Variants in RGS8 observed in about 807,000 individuals in gnomAD.
RGS8 encodes regulator of G-protein signaling 8.
Under a neutral mutation model 21.7 loss-of-function variants are expected in RGS8, and 8 were observed. The observed-to-expected ratio is 0.37, with a 90% CI of 0.22 to 0.66. The LOEUF (loss-of-function observed/expected upper bound fraction) is 0.66. Ranked by LOEUF, RGS8 falls within the 30% of genes least tolerant of loss-of-function variation. The pLI, the probability that RGS8 is intolerant of heterozygous loss-of-function variation, is 0.59. For synonymous variants in RGS8, 80 were observed against 83.6 expected, an observed-to-expected ratio of 0.96 and a Z score of 0.24; for missense variants, 157 against 217.9, an observed-to-expected ratio of 0.72 and a Z score of 1.76.
chr1:182,711,267 A>G, the RGS8 span, among the ~76,000 whole-genome samples: 78,392 of 152,022 alleles, frequency 0.52, 20,803 homozygotes, highest in African/African-American at 0.66. Flanking sequence ...AGAGTAGACA[A>G]TGTGGCCACT....
chr1:182,724,222 A>C, the RGS8 span, among the ~76,000 whole-genome samples: 9 of 104,998 alleles, frequency 8.6e-5, no homozygotes, highest in African/African-American at 3.1e-4. Context: ...ATATATATAT[A>C]TATATATATA....
At chr1:182,721,019 ATATATATGTGTG>A in the RGS8 span, among the ~76,000 whole-genome samples, 15 of 74,700 alleles carry the variant, frequency 2.0e-4, 2 homozygotes, top group East Asian at 2.5e-3. Flanking sequence ...ATATATACAC[ATATATATGTGTG>A]TATATATACA....
chr1:182,731,389 C>A, the RGS8 span, among the ~76,000 whole-genome samples: 1 of 152,178 alleles, frequency 6.6e-6, no homozygotes, highest in Non-Finnish European at 1.5e-5. Context: ...AATAATTCTC[C>A]TTTACCTGTT....
At chr1:182,670,160 G>A (rs1050493539) in intron 2 of RGS8, among the ~76,000 whole-genome samples, 3 of 152,150 alleles carry the variant, frequency 2.0e-5, no homozygotes, top group Non-Finnish European at 2.9e-5. Context: ...TCTGATTCTC[G>A]CCTCCCTCCA....
upstream of RGS8, among the ~76,000 whole-genome samples, chr1:182,677,476 A>G (rs76059436): frequency 4.3e-3 from 659 of 152,326 alleles, 3 homozygotes; most frequent in African/African-American, 0.015. Flanking sequence ...CTGTTCAGCT[A>G]TTTAATAAGC....
the RGS8 span, among the ~76,000 whole-genome samples, chr1:182,742,754 A>AGGGACAGGGACG: frequency 6.6e-6 from 1 of 151,740 alleles, no homozygotes; most frequent in Non-Finnish European, 1.5e-5. Context: ...GGAGAGGGAC[A>AGGGACAGGGACG]GGGACAGGGA....
At chr1:182,671,769 C>A (rs1214759681) in intron 1 of RGS8, 39 bp from the exon 3 acceptor site, 1 of 1,613,212 alleles carries the variant, frequency 6.2e-7, no homozygotes, top group South Asian at 1.1e-5. Context: ...CAGTCAAATC[C>A]TCGGCGAGTG....
the RGS8 span, among the ~76,000 whole-genome samples, chr1:182,691,304 C>T: frequency 2.0e-5 from 3 of 152,192 alleles, no homozygotes; most frequent in Non-Finnish European, 4.4e-5. Flanking sequence ...TGAACACCAA[C>T]TATTTTTAAT....
intron 5 of RGS8, among the ~76,000 whole-genome samples, chr1:182,652,424 G>A (rs1274329469): frequency 1.3e-5 from 2 of 152,202 alleles, no homozygotes; most frequent in Non-Finnish European, 2.9e-5. Flanking sequence ...GATAACTTCT[G>A]CAAAGTGCTC....
chr1:182,658,572 G>C (rs1212335016), intron 5 of RGS8: 4 of 152,220 alleles, frequency 2.6e-5, no homozygotes, highest in Admixed American at 2.6e-4. Flanking sequence ...TATACTAATA[G>C]TGATGCCAAA....
downstream of RGS8, chr1:182,644,804 A>G (rs1662630595): frequency 6.6e-6 from 1 of 152,218 alleles, no homozygotes; most frequent in African/African-American, 2.4e-5. Context: ...TTTATCTAAG[A>G]AAGAATGATT....
chr1:182,721,746 A>G, the RGS8 span, among the ~76,000 whole-genome samples: 1 of 152,234 alleles, frequency 6.6e-6, no homozygotes, highest in Non-Finnish European at 1.5e-5. Flanking sequence ...CAACACAAAG[A>G]TGAAAGGTCA....
chr1:182,687,379 G>A (rs115031793), upstream of RGS8, among the ~76,000 whole-genome samples: 4,981 of 152,282 alleles, frequency 0.033, 114 homozygotes, highest in Non-Finnish European at 0.044. Flanking sequence ...CAGTGTTGCT[G>A]GTCTGGGTAC....
At chr1:182,719,224 T>C in the RGS8 span, among the ~76,000 whole-genome samples, 3 of 152,232 alleles carry the variant, frequency 2.0e-5, no homozygotes, top group Non-Finnish European at 4.4e-5. Context: ...GTGTTAACGC[T>C]CACGCTCATT....
intron 5 of RGS8, among the ~76,000 whole-genome samples, chr1:182,649,425 A>T (rs1453498672): frequency 6.6e-6 from 1 of 152,080 alleles, no homozygotes; most frequent in Non-Finnish European, 1.5e-5. Flanking sequence ...AGCCTCTTTT[A>T]AAAAAAACCT....
At chr1:182,656,279 C>A (rs4651128) in intron 5 of RGS8, among the ~76,000 whole-genome samples, 2 of 151,958 alleles carry the variant, frequency 1.3e-5, no homozygotes, top group Non-Finnish European at 2.9e-5. Flanking sequence ...AAAGGAGAGA[C>A]GGACTGTAAG....
chr1:182,743,079 A>G, the RGS8 span, among the ~76,000 whole-genome samples: 6 of 152,170 alleles, frequency 3.9e-5, no homozygotes, highest in Non-Finnish European at 8.8e-5. Context: ...TACTGGGAAG[A>G]TGACCCCTGA....
the RGS8 span, among the ~76,000 whole-genome samples, chr1:182,720,742 C>T: frequency 6.6e-6 from 1 of 151,882 alleles, no homozygotes. Flanking sequence ...CATCAATATC[C>T]TTCCTCCAGC....
upstream of RGS8, among the ~76,000 whole-genome samples, chr1:182,686,438 A>G (rs796725598): frequency 1.3e-5 from 2 of 152,324 alleles, no homozygotes; most frequent in African/African-American, 4.8e-5. Context: ...CCAAAAAAAG[A>G]CAATGGGCTT....
Sources: gnomAD v4.1 joint callset for allele counts (sites outside exome capture counted in the v4.1 genomes callset) on GRCh38, gnomAD v4.1.1 for gene constraint, MANE v1.5 for transcripts, NCBI Gene and HGNC (gene_info 2026-07-23, HGNC 2026-07-21) for gene names.